The following MGAT4A variants were observed in gnomAD, a reference collection of about 807,000 sequenced individuals.
MGAT4A encodes alpha-1,3-mannosyl-glycoprotein 4-beta-N-acetylglucosaminyltransferase A.
In MGAT4A, 33 loss-of-function variants were observed where a neutral mutation model predicts 74.1. That is an observed-to-expected ratio of 0.45 (90% confidence interval 0.34 to 0.60). MGAT4A has a LOEUF of 0.60. Among genes scored for constraint, MGAT4A ranks in the 20% least tolerant of loss-of-function variants. MGAT4A has a pLI of 0.02. For synonymous variants in MGAT4A, 198 were observed against 210.4 expected (o/e 0.94, Z 0.51); for missense variants, 479 against 628.3 (o/e 0.76, Z 2.54).
At chr2:98,713,812 G>A (rs1046123903) in intron 2 of MGAT4A, among the ~76,000 whole-genome samples, 1 of 152,130 alleles carries the variant, frequency 6.6e-6, no homozygotes, top group African/African-American at 2.4e-5. Context: ...AGCATGACAT[G>A]GGAGAAACCC....
At chr2:98,730,210 A>G (rs199927995) in intron 1 of MGAT4A, 74 of 152,324 alleles carry the variant, frequency 4.9e-4, no homozygotes, top group African/African-American at 1.8e-3. Context: ...GCCTGCTTCT[A>G]TTTTCCAATG....
At chr2:98,656,612 G>A in intron 6 of MGAT4A, 147 bp from the exon 7 acceptor site, 1 of 517,938 alleles carries the variant, frequency 1.9e-6, no homozygotes, top group South Asian at 3.2e-5. Flanking sequence ...AAAAGGAGCA[G>A]CTCATCACTG....
chr2:98,632,816 G>A (rs924580255), intron 14 of MGAT4A, among the ~76,000 whole-genome samples: 1 of 152,206 alleles, frequency 6.6e-6, no homozygotes, highest in Non-Finnish European at 1.5e-5. Context: ...ATGCAATGGT[G>A]CAATCTTGGC....
rs1279775891 is a variant in MGAT4A, at chr2:98,708,311, A to C, written c.94+17928T>G. The stretch of plus-strand genomic sequence containing the variant: ...CAAGCTGCTTTTCAGGTCCGTGATA[A>C]AAGGAAAATATTATAAGATTAATGA... On this transcript the variant is annotated intron_variant, in intron 2 of 15. Transcript: ENST00000393487. 2.0e-5 allele frequency among the ~76,000 whole-genome samples: 3 copies of C among 152,276 alleles called. No individual in the cohort carries two copies. In the East Asian group the frequency reaches 5.8e-4, roughly 29 times the overall value.
intron 2 of MGAT4A, among the ~76,000 whole-genome samples, chr2:98,693,616 G>A (rs1288296377): frequency 6.7e-6 from 1 of 150,066 alleles, no homozygotes; most frequent in African/African-American, 2.5e-5. Context: ...GCTCAGGTGG[G>A]AAAATTGCTT....
In MGAT4A at chr2:98,663,516, A is replaced by G. The variant is rs902076312; in HGVS notation, c.404-337T>C. Reference sequence around the variant, plus strand: ...AACATATCTTAAAAACTAATGTCTTATCTCTCGACTTCAAGCATGTGACAT... The same window carrying G: ...AACATATCTTAAAAACTAATGTCTTGTCTCTCGACTTCAAGCATGTGACAT... On this transcript the variant is annotated intron_variant, in intron 4 of 15. Transcript: ENST00000393487. 4 of 1,297,550 alleles carry G rather than the reference A, an allele frequency of 3.1e-6. No individual in the cohort carries two copies. The African/African-American group carries it at 4.5e-5, about 15-fold the overall frequency. The allele number at this position is 1,297,550 out of a possible 1,614,324, so 80.4% of individuals were successfully genotyped here. A position where few individuals can be genotyped will look rare whatever the true frequency, so the allele number is the denominator to read the frequency against.
chr2:98,643,658 A>G (rs1295747378), intron 10 of MGAT4A, among the ~76,000 whole-genome samples: 1 of 152,212 alleles, frequency 6.6e-6, no homozygotes, highest in Non-Finnish European at 1.5e-5. Flanking sequence ...TCTACATCCA[A>G]TGTTAGTAAA....
At chr2:98,672,076 A>G (rs1701918790) in intron 4 of MGAT4A, among the ~76,000 whole-genome samples, 2 of 151,096 alleles carry the variant, frequency 1.3e-5, no homozygotes, top group Non-Finnish European at 2.9e-5. Flanking sequence ...GTTGTGGTTT[A>G]AACACAGTGA....
chr2:98,645,208 G>A (rs1333096910), intron 9 of MGAT4A, among the ~76,000 whole-genome samples: 2 of 152,202 alleles, frequency 1.3e-5, no homozygotes, highest in Non-Finnish European at 2.9e-5. Flanking sequence ...GCATTGTGAA[G>A]AACGCTACAG....
chr2:98,635,071 A>G, intron 14 of MGAT4A, 151 bp downstream of exon 14: 1 of 586,064 alleles, frequency 1.7e-6, no homozygotes, highest in Admixed American at 3.3e-5. Flanking sequence ...GGGTCAAATA[A>G]TAAAAGCAAG....
chr2:98,642,554 G>C (rs1701425660), intron 10 of MGAT4A, among the ~76,000 whole-genome samples: 1 of 152,170 alleles, frequency 6.6e-6, no homozygotes. Flanking sequence ...TTCTACTATA[G>C]ATGTTTTCAC....
intron 2 of MGAT4A, among the ~76,000 whole-genome samples, chr2:98,702,276 T>C (rs927212051): frequency 2.0e-5 from 3 of 152,114 alleles, no homozygotes; most frequent in South Asian, 2.1e-4. Flanking sequence ...CAGGGACTCA[T>C]TGGATTTGCA....
chr2:98,667,684 A>T (rs1197452890), intron 4 of MGAT4A, among the ~76,000 whole-genome samples: 2 of 150,718 alleles, frequency 1.3e-5, no homozygotes, highest in Admixed American at 1.3e-4. Context: ...GTGCTGTTAA[A>T]GGCATTCAGT....
Position 98,726,527 on chromosome 2 carries a change from T to C in MGAT4A, c.-195A>G, listed in dbSNP as rs1195609129. 4.3e-6 allele frequency: 2 copies of C among 461,000 alleles called. No homozygotes were observed. Among genetic ancestry groups the C allele is most frequent in the Non-Finnish European group, 7.7e-6 (2 of 259,894 alleles). 28.6% of individuals were successfully genotyped at this position (461,000 alleles called of 1,614,324 possible). A position where few individuals can be genotyped will look rare whatever the true frequency, so the allele number is the denominator to read the frequency against. On this transcript the variant is annotated 5_prime_UTR_variant, in exon 2 of 16. Coordinates refer to ENST00000393487, the MANE Select transcript of MGAT4A (RefSeq NM_012214.3). ...GTTCACAACTGTACTCGGGATCGTC[T>C]TTGCGGTCTTCACACGCTGATGCCT...
intron 8 of MGAT4A, 53 bp from the exon 9 acceptor site, chr2:98,645,595 GAGA>G (rs1203162483): frequency 7.9e-7 from 1 of 1,272,566 alleles, no homozygotes; most frequent in African/African-American, 1.5e-5. Flanking sequence ...AAGGTATTGA[GAGA>G]AGGATATTAT....
chr2:98,716,241 T>C (rs533885955), intron 2 of MGAT4A, among the ~76,000 whole-genome samples: 66 of 152,208 alleles, frequency 4.3e-4, no homozygotes, highest in Non-Finnish European at 8.2e-4. Flanking sequence ...GGGTGACTGA[T>C]TGGGCCCAGG....
chr2:98,659,911 A>G (rs1250762610), intron 5 of MGAT4A, among the ~76,000 whole-genome samples: 2 of 152,164 alleles, frequency 1.3e-5, no homozygotes, highest in Admixed American at 1.3e-4. Flanking sequence ...ACTCAATGAT[A>G]TATAAAATAT....
intron 14 of MGAT4A, among the ~76,000 whole-genome samples, chr2:98,630,019 C>T (rs1332346453): frequency 6.6e-6 from 1 of 152,144 alleles, no homozygotes; most frequent in East Asian, 1.9e-4. Context: ...GCACTCTACC[C>T]TGGGCGACAG....
chr2:98,686,318 C>G (rs1344416728), intron 2 of MGAT4A, among the ~76,000 whole-genome samples: 3 of 152,124 alleles, frequency 2.0e-5, no homozygotes, highest in African/African-American at 7.2e-5. Flanking sequence ...ACTTACAAAA[C>G]AGTGACTAGT....
Sources: gnomAD v4.1 joint callset for allele counts (sites outside exome capture counted in the v4.1 genomes callset) on GRCh38, gnomAD v4.1.1 for gene constraint, MANE v1.5 for transcripts, NCBI Gene and HGNC (gene_info 2026-07-23, HGNC 2026-07-21) for gene names.